The following GORAB variants were observed in gnomAD, a reference collection of about 807,000 sequenced individuals.
The protein encoded by GORAB is RAB6-interacting golgin.
In GORAB, 17 loss-of-function variants were observed where a neutral mutation model predicts 29.9. That is an observed-to-expected ratio of 0.57 (90% CI 0.39 to 0.85). The LOEUF is 0.85. Ranked by LOEUF, GORAB falls within the 40% of genes least tolerant of loss-of-function variation. The pLI is 0.00. For missense variants in GORAB, 442 were observed against 437.8 expected, an observed-to-expected ratio of 1.01 and a Z score of -0.09; for synonymous variants, 183 against 157.2, an observed-to-expected ratio of 1.16 and a Z score of -1.23.
chr1:170,551,116 C>A (rs1334061291), intron 4 of GORAB, among the ~76,000 whole-genome samples: 2 of 152,094 alleles, frequency 1.3e-5, no homozygotes, highest in African/African-American at 4.8e-5. Context: ...AACAACTTAA[C>A]CCAAGGATTC....
Position 170,544,835 on chromosome 1 carries a change from T to A in GORAB, c.652T>A (p.Ser218Thr). The A allele has an allele frequency of 1.2e-6, 2 of 1,610,174 alleles. No individual in the cohort carries two copies. Among genetic ancestry groups the A allele is most frequent in the East Asian group, 4.5e-5 (2 of 44,754 alleles). The change falls in exon 4 of 5, where the codon TCA becomes ACA. Residue 218 changes from serine to threonine, a missense_variant. By Grantham distance (58) the Ser-to-Thr change is moderately conservative. Coordinates refer to ENST00000367763, the MANE Select transcript of GORAB (RefSeq NM_152281.3). ...GATTGATCAGGCCAGCTTAGACTAT[T>A]CATACGCTCGGTGAGTTGGGGAAAT... ...NRIDQASLDY[S>T]YARKRFDRAE...
At position 170,552,591 on chromosome 1, in the gene GORAB, T is replaced by G; in HGVS notation, c.*129T>G. 5 of 832,890 alleles carry G rather than the reference T, an allele frequency of 6.0e-6. No individual in the cohort carries two copies. Among genetic ancestry groups the G allele is most frequent in the Non-Finnish European group, 1.0e-5 (5 of 496,510 alleles). The allele number at this position is 832,890 out of a possible 1,614,324, so 51.6% of individuals were successfully genotyped here. On this transcript the variant is annotated 3_prime_UTR_variant, in exon 5 of 5. Transcript: ENST00000367763. ...TTTTTGAATTCATGATTAGTTTTAG[T>G]AAATTAATAGGTTTGGCCATTCTAA...
At position 170,532,200 on chromosome 1, in the gene GORAB, T is replaced by TG. The variant is rs1557999479; in HGVS notation, c.-19dup. ...CGCGGCTGCGAGATTTGGGCACTTT[T>TG]GGGGGTGCCGGTGGCCCGGGCCGAT... On this transcript the variant is annotated 5_prime_UTR_variant, in exon 1 of 5. Coordinates refer to ENST00000367763, the MANE Select transcript of GORAB (RefSeq NM_152281.3). 6.2e-7 allele frequency: 1 copy of TG among 1,613,814 alleles called. No homozygotes were observed.
chr1:170,532,767 G>A (rs1180617184), intron 1 of GORAB: 1 of 186,820 alleles, frequency 5.4e-6, no homozygotes, highest in African/African-American at 2.4e-5. Context: ...CAATTCATCT[G>A]GAGTGTTGCA....
intron 4 of GORAB, among the ~76,000 whole-genome samples, chr1:170,550,480 C>T (rs150644227): frequency 1.8e-4 from 28 of 152,300 alleles, no homozygotes; most frequent in African/African-American, 6.0e-4. Context: ...GAAATTGCCT[C>T]GTGTATCCTA....
At chr1:170,543,905 G>A (rs1423926202) in intron 3 of GORAB, among the ~76,000 whole-genome samples, 2 of 152,070 alleles carry the variant, frequency 1.3e-5, no homozygotes, top group Admixed American at 1.3e-4. Context: ...AGAAAGGAAG[G>A]GTAAATGCCT....
intron 4 of GORAB, chr1:170,545,215 T>C (rs1649683510): frequency 1.0e-6 from 1 of 1,000,604 alleles, no homozygotes; most frequent in Non-Finnish European, 1.2e-6. Flanking sequence ...ACCAAGTCTG[T>C]GTTCTTTCCA....
intron 4 of GORAB, chr1:170,545,622 A>G: frequency 1.0e-6 from 1 of 985,380 alleles, no homozygotes; most frequent in Non-Finnish European, 1.2e-6. Context: ...TCACAAGGGA[A>G]TGCTGTGTTA....
At position 170,552,514 on chromosome 1, in the gene GORAB, G is replaced by C; in HGVS notation, c.*52G>C. 2 of 1,431,098 alleles carry C rather than the reference G, an allele frequency of 1.4e-6. No homozygotes were observed. Among genetic ancestry groups the C allele is most frequent in the Non-Finnish European group, 2.0e-6 (2 of 1,017,938 alleles). The allele number at this position is 1,431,098 out of a possible 1,614,324, so 88.6% of individuals were successfully genotyped here. ...TGGTATTGAGTAAAGTATACTTTTT[G>C]CAGTAGATCATGCCCTGACCTCCAA... On this transcript the variant is annotated 3_prime_UTR_variant, in exon 5 of 5. Coordinates refer to ENST00000367763, the MANE Select transcript of GORAB (RefSeq NM_152281.3).
Position 170,539,434 on chromosome 1 carries a change from G to C in GORAB, c.286G>C (p.Gly96Arg). ...TCATTTCACTCTCACCTCCCCCGTT[G>C]GTGATGGACAACCACAGGGCATTGA... The part of the protein sequence containing the change: ...PSHFTLTSPV[G>R]DGQPQGIESQ... Residue 96 changes from glycine (G) to arginine (R), a missense_variant, in exon 2 of 5, where the codon GGT becomes CGT. Physicochemically the swap from Gly to Arg is moderately radical, Grantham distance 125. Coordinates refer to ENST00000367763, the MANE Select transcript of GORAB (RefSeq NM_152281.3). The C allele has an allele frequency of 1.2e-6, 2 of 1,614,102 alleles. No individual in the cohort carries two copies. The highest frequency in any genetic ancestry group is 1.7e-6 in the Non-Finnish European group (2 of 1,179,998).
chr1:170,539,266 C>G lies in GORAB; in HGVS notation c.118C>G (p.Arg40Gly), dbSNP rs369967804. The change falls in exon 2 of 5, where the codon CGA (arginine) becomes GGA (glycine). Residue 40 changes from arginine to glycine, a missense_variant. By Grantham distance (125) the Arg-to-Gly change is moderately radical. Transcript: ENST00000367763. ...PAKKSRQQLQ[R>G]EKALVEQSQK... ...GAAGAAAAGTCGACAACAACTTCAG[C>G]GAGAAAAAGCCCTTGTAGAGCAAAG... 2 of 1,613,992 alleles carry G rather than the reference C, an allele frequency of 1.2e-6. No individual in the cohort carries two copies. Among genetic ancestry groups the G allele is most frequent in the Admixed American group, 1.7e-5 (1 of 59,978 alleles).
intron 4 of GORAB, chr1:170,545,281 T>C: frequency 1.0e-6 from 1 of 985,568 alleles, no homozygotes; most frequent in Non-Finnish European, 1.2e-6. Flanking sequence ...GTCCTCACTT[T>C]AGCTTTCATC....
chr1:170,533,392 C>T (rs1648837319), intron 1 of GORAB: 4 of 317,560 alleles, frequency 1.3e-5, no homozygotes, highest in African/African-American at 6.4e-5. Flanking sequence ...TTAACTGACT[C>T]TGTGTTGCTT....
chr1:170,539,364 A>G lies in GORAB; in HGVS notation c.216A>G (p.Arg72=). The G allele has an allele frequency of 3.7e-6, 6 of 1,614,150 alleles. No individual in the cohort carries two copies. The highest frequency in any genetic ancestry group is 5.1e-6 in the Non-Finnish European group (6 of 1,180,024). Residue 72 remains arginine (R), a synonymous_variant, in exon 2 of 5, where the codon AGA becomes AGG. Coordinates refer to ENST00000367763, the MANE Select transcript of GORAB (RefSeq NM_152281.3). ...PEQLLSAPKQ[R]VNVQKPPFSS... Reference sequence around the variant, plus strand: ...AGCTGCTTTCAGCACCAAAACAGAGAGTTAACGTTCAAAAACCACCTTTTT... The same window carrying G: ...AGCTGCTTTCAGCACCAAAACAGAGGGTTAACGTTCAAAAACCACCTTTTT...
In GORAB at chr1:170,553,397, C is replaced by T. The variant is rs1364792639; in HGVS notation, c.*935C>T. On this transcript the variant is annotated 3_prime_UTR_variant, in exon 5 of 5. Coordinates refer to ENST00000367763, the MANE Select transcript of GORAB (RefSeq NM_152281.3). ...GCCTGTTACTAGTACTTGACCAATA[C>T]ATTGTGCTATATGTAAATGTGTAAA... 2.2e-6 allele frequency: 1 copy of T among 451,722 alleles called. No individual in the cohort carries two copies. Among genetic ancestry groups the T allele is most frequent in the Non-Finnish European group, 4.4e-6 (1 of 226,190 alleles). 28.0% of individuals were successfully genotyped at this position (451,722 alleles called of 1,614,324 possible).
chr1:170,544,510 A>G (rs922501984), intron 3 of GORAB, 195 bp from the exon 4 acceptor site: 3 of 486,372 alleles, frequency 6.2e-6, no homozygotes, highest in African/African-American at 3.9e-5. Context: ...ACTTTATGAA[A>G]CATGCAAATA....
At chr1:170,551,991 C>G (rs1450465863) in intron 4 of GORAB, 24 bp from the exon 5 acceptor site, 1 of 1,598,008 alleles carries the variant, frequency 6.3e-7, no homozygotes, top group Non-Finnish European at 8.6e-7. Context: ...ACTGATGGAC[C>G]TATCTTTATA....
chr1:170,537,310 A>G (rs1272732296), intron 1 of GORAB, among the ~76,000 whole-genome samples: 1 of 152,160 alleles, frequency 6.6e-6, no homozygotes, highest in Non-Finnish European at 1.5e-5. Flanking sequence ...TTATGTCACT[A>G]CTGGGTCAGC....
Position 170,532,182 on chromosome 1 carries a change from G to A in GORAB, c.-42G>A. On this transcript the variant is annotated 5_prime_UTR_variant, in exon 1 of 5. Transcript: ENST00000367763. ...GGCAGCAGTGTTGGCAGTCGCGGCT[G>A]CGAGATTTGGGCACTTTTGGGGGTG... 2.5e-6 allele frequency: 4 copies of A among 1,613,738 alleles called. No homozygotes were observed. The highest frequency in any genetic ancestry group is 3.4e-6 in the Non-Finnish European group (4 of 1,180,034).
Sources: gnomAD v4.1 joint callset for allele counts (sites outside exome capture counted in the v4.1 genomes callset) on GRCh38, gnomAD v4.1.1 for gene constraint, MANE v1.5 for transcripts, NCBI Gene and HGNC (gene_info 2026-07-23, HGNC 2026-07-21) for gene names.